Variants in XPO5 observed in about 807,000 individuals in gnomAD.
XPO5 encodes exportin-5.
XPO5 carries 46 observed loss-of-function variants against 160.6 expected under a neutral mutation model. The observed-to-expected ratio is 0.29, with a 90% CI of 0.23 to 0.37. XPO5 has a LOEUF of 0.37. Among genes scored for constraint, XPO5 ranks in the 10% least tolerant of loss-of-function variants. The pLI is 1.00. For missense variants in XPO5, 1,090 were observed against 1,463.9 expected, an observed-to-expected ratio of 0.74 and a Z score of 4.17; for synonymous variants, 537 against 519.3, an observed-to-expected ratio of 1.03 and a Z score of -0.46.
At chr6:43,550,485 C>G (rs1795175725) in intron 15 of XPO5, among the ~76,000 whole-genome samples, 1 of 152,154 alleles carries the variant, frequency 6.6e-6, no homozygotes, top group African/African-American at 2.4e-5. Context: ...GTGGGGGCTT[C>G]TCATTTTTTT....
intron 18 of XPO5, 70 bp from the exon 19 acceptor site, chr6:43,547,777 T>A: frequency 7.3e-7 from 1 of 1,370,242 alleles, no homozygotes; most frequent in Non-Finnish European, 1.0e-6. Context: ...CCACAGGAGT[T>A]AACAGGCTAT....
chr6:43,524,748 A>G, intron 30 of XPO5, 83 bp downstream of exon 30: 1 of 1,588,608 alleles, frequency 6.3e-7, no homozygotes, highest in Non-Finnish European at 8.6e-7. Flanking sequence ...CAGGTGCCTG[A>G]ATTTAGGATA....
intron 20 of XPO5, among the ~76,000 whole-genome samples, chr6:43,535,832 G>C (rs754716877): frequency 9.9e-5 from 12 of 120,816 alleles, no homozygotes; most frequent in African/African-American, 1.8e-4. Flanking sequence ...AAAAAAAAAA[G>C]TCATTCTAGG....
intron 15 of XPO5, 63 bp from the exon 16 acceptor site, chr6:43,549,997 T>C: frequency 9.0e-6 from 14 of 1,554,056 alleles, no homozygotes; most frequent in African/African-American, 1.4e-5. Context: ...GATCTTGCTA[T>C]GTTGCCCAGA....
intron 3 of XPO5, among the ~76,000 whole-genome samples, chr6:43,571,224 G>A (rs1762991300): frequency 6.6e-6 from 1 of 152,156 alleles, no homozygotes; most frequent in African/African-American, 2.4e-5. Context: ...GTCATATCGA[G>A]AGCTAGGATG....
chr6:43,526,589 TCTC>T lies in XPO5; in HGVS notation c.2983+93_2983+95del, dbSNP rs559103885. 197 of 1,398,896 alleles carry T rather than the reference TCTC, an allele frequency of 1.4e-4. No individual in the cohort carries two copies. The African/African-American group carries it at 2.0e-3, about 14-fold the overall frequency. The allele number at this position is 1,398,896 out of a possible 1,614,324, so 86.7% of individuals were successfully genotyped here. A position where few individuals can be genotyped will look rare whatever the true frequency, so the allele number is the denominator to read the frequency against. On this transcript the variant is annotated intron_variant, in intron 27 of 31. Coordinates refer to ENST00000265351, the MANE Select transcript of XPO5 (RefSeq NM_020750.3). ...GATGATAACTACATGTAGGGTGTCT[TCTC>T]CTCACCAGACTGCAAGGAAACTGAC...
In XPO5 at chr6:43,572,115, T is replaced by C. The variant is rs1473623729; in HGVS notation, c.300+391A>G. On this transcript the variant is annotated intron_variant, in intron 3 of 31. Coordinates refer to ENST00000265351, the MANE Select transcript of XPO5 (RefSeq NM_020750.3). The stretch of plus-strand genomic sequence containing the variant: ...GTTTTTGAGATAGGGTCTTGCTCTG[T>C]TGCACAGGCTGGAGTGCCATGGCAC... Among the ~76,000 whole-genome samples, 4 of 152,378 alleles carry C rather than the reference T, an allele frequency of 2.6e-5. No individual in the cohort carries two copies. In the South Asian group the frequency reaches 8.3e-4, roughly 32 times the overall value.
intron 20 of XPO5, among the ~76,000 whole-genome samples, chr6:43,541,163 A>G (rs1794673014): frequency 2.0e-5 from 3 of 152,184 alleles, no homozygotes; most frequent in African/African-American, 7.2e-5. Context: ...AAAAACCCAC[A>G]AAGAATGAAT....
intron 20 of XPO5, among the ~76,000 whole-genome samples, chr6:43,537,504 A>G (rs1389093538): frequency 2.6e-5 from 4 of 152,242 alleles, no homozygotes; most frequent in African/African-American, 9.6e-5. Context: ...TCAACTCTGC[A>G]TTGAAGCGCA....
chr6:43,549,902 T>G lies in XPO5; in HGVS notation c.1761A>C (p.Glu587Asp). The G allele has an allele frequency of 6.2e-7, 1 of 1,611,428 alleles. No homozygotes were observed. Among genetic ancestry groups the G allele is most frequent in the South Asian group, 1.1e-5 (1 of 90,512 alleles). Residue 587 changes from glutamate (E) to aspartate (D), a missense_variant, in exon 16 of 32, where the codon GAA becomes GAC. Physicochemically the swap from Glu to Asp is conservative, Grantham distance 45. Transcript: ENST00000265351. Reference sequence around the variant, plus strand: ...TAATTAATGGTCTTACCTTACTTTCTTCAACAGTTTCAAAAGTGACAGATG... The same window carrying G: ...TAATTAATGGTCTTACCTTACTTTCGTCAACAGTTTCAAAAGTGACAGATG... ...LFSSVTFETV[E>D]ESKAPRTRAV...
chr6:43,537,316 A>G (rs1235780854), intron 20 of XPO5, among the ~76,000 whole-genome samples: 1 of 152,114 alleles, frequency 6.6e-6, no homozygotes, highest in African/African-American at 2.4e-5. Context: ...TCAACCTGTA[A>G]TACATACCTG....
intron 1 of XPO5, among the ~76,000 whole-genome samples, chr6:43,574,472 CTATTT>C (rs752790292): frequency 1.3e-5 from 2 of 150,604 alleles, no homozygotes; most frequent in Non-Finnish European, 3.0e-5. Flanking sequence ...GGTGTTCACT[CTATTT>C]TATGTGTATA....
Position 43,555,876 on chromosome 6 carries a change from C to T in XPO5, c.1401G>A (p.Lys467=). 2 of 1,613,930 alleles carry T rather than the reference C, an allele frequency of 1.2e-6. No homozygotes were observed. The highest frequency in any genetic ancestry group is 2.2e-5 in the East Asian group (1 of 44,870). Residue 467 remains lysine (K), a synonymous_variant, in exon 13 of 32, where the codon AAG becomes AAA. Transcript: ENST00000265351. ...CATCAAGAAAAGTTGATAGTTGATA[C>T]TTTAGCCACTCCCCAGCCATCTGGA... ...TSFQMAGEWL[K]YQLSTFLDAG... is the part of the protein sequence containing the mutation.
At chr6:43,525,270 TG>T (rs1793498456) in intron 28 of XPO5, 56 bp from the exon 29 acceptor site, 2 of 1,505,218 alleles carry the variant, frequency 1.3e-6, no homozygotes, top group African/African-American at 2.8e-5. Context: ...TTTTCTCTGA[TG>T]ATTATTACAC....
At chr6:43,570,311 C>CAAAA (rs70990200) in intron 5 of XPO5, among the ~76,000 whole-genome samples, 191 bp downstream of exon 5, 196 of 76,096 alleles carry the variant, frequency 2.6e-3, no homozygotes, top group Non-Finnish European at 2.9e-3. Flanking sequence ...GCCTCCGTCT[C>CAAAA]AAAAAAAAAA....
At chr6:43,568,772 G>A (rs1762836780) in intron 5 of XPO5, 35 bp from the exon 6 acceptor site, 1 of 1,543,902 alleles carries the variant, frequency 6.5e-7, no homozygotes, top group South Asian at 1.2e-5. Flanking sequence ...TGTTTTTAAT[G>A]AGCAAAAGGC....
At chr6:43,563,097 A>G (rs1396634594) in intron 8 of XPO5, among the ~76,000 whole-genome samples, 2 of 152,072 alleles carry the variant, frequency 1.3e-5, no homozygotes, top group Non-Finnish European at 2.9e-5. Context: ...CTTCCTGGTA[A>G]GAAACATGTT....
intron 7 of XPO5, among the ~76,000 whole-genome samples, chr6:43,566,210 T>G (rs574298035): frequency 3.9e-5 from 6 of 152,054 alleles, no homozygotes; most frequent in Non-Finnish European, 4.4e-5. Flanking sequence ...CTGGCCAACA[T>G]AGTGAAACCC....
chr6:43,548,725 T>C (rs1464699515), intron 17 of XPO5, among the ~76,000 whole-genome samples: 2 of 150,708 alleles, frequency 1.3e-5, no homozygotes, highest in Non-Finnish European at 3.0e-5. Flanking sequence ...GTTTTATATA[T>C]ATATATAGAT....
Sources: gnomAD v4.1 joint callset for allele counts (sites outside exome capture counted in the v4.1 genomes callset) on GRCh38, gnomAD v4.1.1 for gene constraint, MANE v1.5 for transcripts, NCBI Gene and HGNC (gene_info 2026-07-23, HGNC 2026-07-21) for gene names.